Variants in TIAM1 observed in about 807,000 individuals in gnomAD.
The protein encoded by TIAM1 is TIAM Rac1 associated GEF 1.
Under a neutral mutation model 163.5 loss-of-function variants are expected in TIAM1, and 65 were observed. The observed-to-expected ratio is 0.40, with a 90% CI of 0.33 to 0.49. The LOEUF is 0.49. Ranked by LOEUF, TIAM1 falls within the 20% of genes least tolerant of loss-of-function variation. The probability of loss-of-function intolerance (pLI) is 0.77; values close to 1 mark genes in which losing one functional copy is unlikely to be tolerated. For synonymous variants in TIAM1, 833 were observed against 810.1 expected (o/e 1.03, Z -0.48); for missense variants, 1,789 against 2,044.7 (o/e 0.87, Z 2.41).
At chr21:31,213,493 C>T (rs2244187) in intron 9 of TIAM1, 21 bp from the exon 10 acceptor site, 190,949 of 1,610,956 alleles carry the variant, frequency 0.12, 21,692 homozygotes, top group African/African-American at 0.51. Context: ...AAAAGTACCA[C>T]CTTAAAAAGG....
intron 2 of TIAM1, among the ~76,000 whole-genome samples, chr21:31,458,099 T>C (rs1234708637): frequency 6.6e-6 from 1 of 152,168 alleles, no homozygotes; most frequent in African/African-American, 2.4e-5. Flanking sequence ...CCCTCCACAC[T>C]GTGGGCTACC....
At chr21:31,254,681 CAG>C (rs958752648) in intron 4 of TIAM1, among the ~76,000 whole-genome samples, 7 of 151,830 alleles carry the variant, frequency 4.6e-5, no homozygotes, top group East Asian at 1.9e-4. Context: ...GCCTGGGCAA[CAG>C]AGAGAGAGAG....
In TIAM1 at chr21:31,164,903, T is replaced by C; in HGVS notation, c.2991+59A>G. The C allele has an allele frequency of 1.9e-6, 3 of 1,543,574 alleles. No individual in the cohort carries two copies. The South Asian group carries it at 3.4e-5, about 17-fold the overall frequency. On this transcript the variant is annotated intron_variant, in intron 16 of 27. Transcript: ENST00000541036. ...CCACATACAGCTGTGTAGGTGACATTGTCAGCTGTGATTCTTCAGTGGTTC... is the reference window on the plus strand; with the variant it reads ...CCACATACAGCTGTGTAGGTGACATCGTCAGCTGTGATTCTTCAGTGGTTC...
chr21:31,295,382 A>G (rs2146932630), intron 2 of TIAM1, among the ~76,000 whole-genome samples: 1 of 145,310 alleles, frequency 6.9e-6, no homozygotes, highest in East Asian at 2.4e-4. Context: ...AGGCAGGAGA[A>G]TGGCGTGAAC....
chr21:31,217,395 A>T (rs1332744927), intron 9 of TIAM1, among the ~76,000 whole-genome samples, 158 bp downstream of exon 9: 2 of 152,148 alleles, frequency 1.3e-5, no homozygotes, highest in Non-Finnish European at 2.9e-5. Context: ...ATGGGTATGC[A>T]TTATCTATTA....
intron 5 of TIAM1, among the ~76,000 whole-genome samples, chr21:31,250,675 A>C (rs2071752002): frequency 6.6e-6 from 1 of 152,138 alleles, no homozygotes; most frequent in Non-Finnish European, 1.5e-5. Flanking sequence ...TATCTAACCT[A>C]GCCTGCCATG....
intron 1 of TIAM1, among the ~76,000 whole-genome samples, chr21:31,472,699 C>T (rs142555346): frequency 1.3e-5 from 2 of 152,248 alleles, no homozygotes; most frequent in Non-Finnish European, 2.9e-5. Context: ...TGGCCTTGAT[C>T]CTAAGATGGG....
chr21:31,471,207 G>A (rs556410537), intron 1 of TIAM1, among the ~76,000 whole-genome samples: 3 of 152,296 alleles, frequency 2.0e-5, no homozygotes, highest in Non-Finnish European at 4.4e-5. Flanking sequence ...TGGGCACAAC[G>A]AAGCCCGGAG....
At chr21:31,262,463 A>T (rs148694734) in intron 4 of TIAM1, among the ~76,000 whole-genome samples, 1,581 of 152,370 alleles carry the variant, frequency 0.01, 14 homozygotes, top group Non-Finnish European at 0.017. Context: ...TTCAAATAGC[A>T]TGAGGCTTTA....
chr21:31,400,635 G>T (rs1248838519), intron 2 of TIAM1, among the ~76,000 whole-genome samples: 2 of 152,162 alleles, frequency 1.3e-5, no homozygotes, highest in African/African-American at 2.4e-5. Context: ...TACAGATAAG[G>T]AACTGAAATT....
chr21:31,317,867 A>G (rs984644134), intron 2 of TIAM1, among the ~76,000 whole-genome samples: 2 of 152,252 alleles, frequency 1.3e-5, no homozygotes, highest in African/African-American at 2.4e-5. Flanking sequence ...ACAAAAGTAC[A>G]TGTGCCTACT....
At chr21:31,222,394 G>A (rs573497680) in intron 8 of TIAM1, among the ~76,000 whole-genome samples, 2 of 151,994 alleles carry the variant, frequency 1.3e-5, no homozygotes, top group African/African-American at 2.4e-5. Flanking sequence ...AAAGCTGCTC[G>A]CAATTTAGCA....
chr21:31,425,180 T>C (rs1370598171), intron 2 of TIAM1, among the ~76,000 whole-genome samples: 1 of 152,150 alleles, frequency 6.6e-6, no homozygotes, highest in East Asian at 1.9e-4. Flanking sequence ...CATCCTGAAC[T>C]CTCTTCCACG....
At chr21:31,300,145 A>C (rs2074445893) in intron 2 of TIAM1, among the ~76,000 whole-genome samples, 1 of 152,036 alleles carries the variant, frequency 6.6e-6, no homozygotes, top group South Asian at 2.1e-4. Flanking sequence ...TTCTCGTGAG[A>C]TCTATTCATT....
At chr21:31,426,223 C>T (rs988598768) in intron 2 of TIAM1, among the ~76,000 whole-genome samples, 1 of 152,118 alleles carries the variant, frequency 6.6e-6, no homozygotes, top group African/African-American at 2.4e-5. Context: ...ACTCTTATGT[C>T]TTTGCATAAG....
chr21:31,282,396 A>G (rs1462697453), intron 2 of TIAM1, among the ~76,000 whole-genome samples: 1 of 152,258 alleles, frequency 6.6e-6, no homozygotes, highest in Non-Finnish European at 1.5e-5. Context: ...ATACTGCTGC[A>G]GAGTGGACAG....
chr21:31,273,210 A>G (rs1008785407), intron 3 of TIAM1, among the ~76,000 whole-genome samples: 1 of 152,200 alleles, frequency 6.6e-6, no homozygotes, highest in Non-Finnish European at 1.5e-5. Context: ...GCTCCAGTGA[A>G]GCTATGGCAC....
chr21:31,206,156 T>C (rs942550761), intron 11 of TIAM1, among the ~76,000 whole-genome samples: 13 of 152,202 alleles, frequency 8.5e-5, no homozygotes, highest in Non-Finnish European at 1.5e-4. Context: ...CAGTAAATAG[T>C]TACTCTCAAA....
chr21:31,425,325 G>A (rs1399731509), intron 2 of TIAM1, among the ~76,000 whole-genome samples: 2 of 152,098 alleles, frequency 1.3e-5, no homozygotes, highest in Non-Finnish European at 2.9e-5. Flanking sequence ...ACAAATCTCA[G>A]CAGGAGCAAT....
Sources: gnomAD v4.1 joint callset for allele counts (sites outside exome capture counted in the v4.1 genomes callset) on GRCh38, gnomAD v4.1.1 for gene constraint, MANE v1.5 for transcripts, NCBI Gene and HGNC (gene_info 2026-07-23, HGNC 2026-07-21) for gene names.